Variants in METAP1D observed in about 807,000 individuals in gnomAD.
METAP1D encodes methionyl aminopeptidase type 1D, mitochondrial, also known as methionine aminopeptidase 1D, mitochondrial.
A neutral mutation model predicts 40.5 loss-of-function variants in METAP1D; 31 were observed. That is an observed-to-expected ratio of 0.77 (90% CI 0.58 to 1.03). The LOEUF is 1.03. Among genes scored for constraint, METAP1D ranks in the 50% least tolerant of loss-of-function variants. The pLI is 0.00. For synonymous variants in METAP1D, 151 were observed against 146.4 expected (o/e 1.03, Z -0.22); for missense variants, 411 against 420.7 (o/e 0.98, Z 0.20).
chr2:172,069,556 T>C (rs1690372520), intron 5 of METAP1D, among the ~76,000 whole-genome samples: 1 of 152,210 alleles, frequency 6.6e-6, no homozygotes, highest in South Asian at 2.1e-4. Context: ...ATTATTAACA[T>C]TCAAACTATT....
intron 1 of METAP1D, among the ~76,000 whole-genome samples, chr2:172,055,685 T>G (rs750645630): frequency 1.3e-5 from 2 of 152,234 alleles, no homozygotes; most frequent in East Asian, 3.8e-4. Context: ...GTATGGCACC[T>G]TATTATCCTG....
At chr2:172,072,218 G>A (rs1323258581) in intron 6 of METAP1D, 1 of 165,778 alleles carries the variant, frequency 6.0e-6, no homozygotes, top group East Asian at 1.9e-4. Context: ...GAATATAATA[G>A]AAATGAATTC....
chr2:172,007,388 G>T (rs1276848176), intron 1 of METAP1D, among the ~76,000 whole-genome samples: 1 of 152,070 alleles, frequency 6.6e-6, no homozygotes, highest in African/African-American at 2.4e-5. Flanking sequence ...TCTTGGTGGA[G>T]ATTATGTTGT....
rs1491470682 is a variant in METAP1D, at chr2:172,043,010, T to TAC, written c.41-18487_41-18486insCA. 6.1e-5 allele frequency among the ~76,000 whole-genome samples: 6 copies of TAC among 98,854 alleles called. 1 individual carries two copies. Among genetic ancestry groups the TAC allele is most frequent in the Non-Finnish European group, 1.4e-4 (5 of 36,962 alleles). The allele number at this position is 98,854 out of a possible 152,430, so 64.9% of individuals were successfully genotyped here. A position where few individuals can be genotyped will look rare whatever the true frequency, so the allele number is the denominator to read the frequency against. On this transcript the variant is annotated intron_variant, in intron 1 of 9. Transcript: ENST00000315796. ...GTGTGCGTGTGTACACATATATGTG[T>TAC]ATGTGTACACATATATGTGTATATG...
chr2:172,068,159 G>A (rs1462328827), intron 5 of METAP1D, among the ~76,000 whole-genome samples: 6 of 152,140 alleles, frequency 3.9e-5, no homozygotes, highest in Non-Finnish European at 5.9e-5. Flanking sequence ...CAAGGCAGGC[G>A]GATCACCTGA....
intron 4 of METAP1D, 68 bp from the exon 5 acceptor site, chr2:172,066,192 TTAAG>T: frequency 8.0e-7 from 1 of 1,255,320 alleles, no homozygotes; most frequent in Admixed American, 1.9e-5. Context: ...ACAGTAGTCA[TTAAG>T]TATTTATTTT....
chr2:172,017,235 T>TACACACAC lies in METAP1D; in HGVS notation c.40+17258_40+17265dup, dbSNP rs370746234. 2.0e-3 allele frequency among the ~76,000 whole-genome samples: 278 copies of TACACACAC among 139,474 alleles called. 3 individuals carry two copies. Among genetic ancestry groups the TACACACAC allele is most frequent in the Admixed American group, 0.016 (221 of 13,442 alleles). The allele number at this position is 139,474 out of a possible 152,430, so 91.5% of individuals were successfully genotyped here. On this transcript the variant is annotated intron_variant, in intron 1 of 9. Coordinates refer to ENST00000315796, the MANE Select transcript of METAP1D (RefSeq NM_199227.3). Reference sequence around the variant, plus strand: ...GTCTGTCTTGTTCCATGAAAGGTTTTACACACACACACACACACACACACA... The same window carrying TACACACAC: ...GTCTGTCTTGTTCCATGAAAGGTTTTACACACACACACACACACACACACACACACACA...
chr2:172,016,300 AATATATAT>A (rs1188835723), intron 1 of METAP1D, among the ~76,000 whole-genome samples: 71 of 40,056 alleles, frequency 1.8e-3, no homozygotes, highest in East Asian at 0.012. Context: ...AAAAAAAAAA[AATATATAT>A]ATATATATAT....
intron 1 of METAP1D, among the ~76,000 whole-genome samples, chr2:172,001,501 A>G (rs1688461357): frequency 6.6e-6 from 1 of 151,958 alleles, no homozygotes; most frequent in Non-Finnish European, 1.5e-5. Flanking sequence ...TCATACCACT[A>G]CACTCTAGCC....
Position 172,065,753 on chromosome 2 carries a change from G to T in METAP1D, c.497+1G>T, listed in dbSNP as rs749625543. ...TGCTCTGTCATGGTATTCCTGACAG[G>T]TATTCAGTTCTTAATAACATATTGT... On this transcript the variant is annotated splice_donor_variant, in intron 4 of 9. Coordinates refer to ENST00000315796, the MANE Select transcript of METAP1D (RefSeq NM_199227.3). LOFTEE classifies it high-confidence loss of function. 1.9e-6 allele frequency: 3 copies of T among 1,612,962 alleles called. No individual in the cohort carries two copies. The highest frequency in any genetic ancestry group is 2.2e-5 in the East Asian group (1 of 44,830).
At chr2:172,062,947 A>G (rs959172500) in intron 2 of METAP1D, among the ~76,000 whole-genome samples, 1 of 152,226 alleles carries the variant, frequency 6.6e-6, no homozygotes, top group Non-Finnish European at 1.5e-5. Context: ...TAAACTATAA[A>G]TAGTTTGTAA....
At chr2:172,014,046 C>T (rs1208914695) in intron 1 of METAP1D, among the ~76,000 whole-genome samples, 1 of 151,926 alleles carries the variant, frequency 6.6e-6, no homozygotes, top group Non-Finnish European at 1.5e-5. Context: ...TGATCTCGAA[C>T]TCCTGACCTC....
intron 1 of METAP1D, among the ~76,000 whole-genome samples, chr2:172,035,739 A>G (rs1200763482): frequency 6.6e-6 from 1 of 151,922 alleles, no homozygotes; most frequent in Non-Finnish European, 1.5e-5. Context: ...TCCTCAACCT[A>G]CCAGGCTCAA....
chr2:172,065,146 T>A (rs1361130679), intron 3 of METAP1D, among the ~76,000 whole-genome samples: 1 of 152,220 alleles, frequency 6.6e-6, no homozygotes, highest in Admixed American at 6.5e-5. Flanking sequence ...AAAACCCCTG[T>A]AATGTTTTAC....
At chr2:172,069,356 T>C (rs1270932965) in intron 5 of METAP1D, among the ~76,000 whole-genome samples, 1 of 152,232 alleles carries the variant, frequency 6.6e-6, no homozygotes, top group African/African-American at 2.4e-5. Flanking sequence ...GCAAATTTTA[T>C]ATTCTTGTAT....
chr2:172,027,727 G>A (rs921739266), intron 1 of METAP1D, among the ~76,000 whole-genome samples: 1 of 152,188 alleles, frequency 6.6e-6, no homozygotes, highest in Non-Finnish European at 1.5e-5. Flanking sequence ...TTTGTCTTCA[G>A]TTGTCGTTTG....
chr2:172,058,008 G>C, intron 1 of METAP1D, among the ~76,000 whole-genome samples: 1 of 150,276 alleles, frequency 6.7e-6, no homozygotes. Flanking sequence ...TCATAGCTCA[G>C]TGCATAACTC....
chr2:172,043,792 G>A (rs1252924752), intron 1 of METAP1D, among the ~76,000 whole-genome samples: 1 of 135,152 alleles, frequency 7.4e-6, no homozygotes, highest in African/African-American at 2.5e-5. Context: ...TCTTAAAGAA[G>A]ACGTTAAATA....
intron 1 of METAP1D, among the ~76,000 whole-genome samples, chr2:172,002,046 G>GAA (rs370838286): frequency 0.014 from 1,883 of 134,668 alleles, 44 homozygotes; most frequent in African/African-American, 0.042. Flanking sequence ...GTAGTGAGCT[G>GAA]AAAAAAAAAA....
Sources: allele counts gnomAD v4.1 joint callset (sites outside exome capture counted in the v4.1 genomes callset), GRCh38; gene constraint gnomAD v4.1.1; transcripts MANE v1.5; gene names NCBI Gene and HGNC (gene_info 2026-07-23, HGNC 2026-07-21).